Variants in TRANK1 observed in about 807,000 individuals in gnomAD.
The protein encoded by TRANK1 is tetratricopeptide repeat and ankyrin repeat containing 1, also known as TPR and ankyrin repeat-containing protein 1.
Under a neutral mutation model 266.0 loss-of-function variants are expected in TRANK1, and 198 were observed. The ratio of observed to expected loss-of-function variants is 0.74; its 90% CI spans 0.66 to 0.84. TRANK1 has a LOEUF of 0.84. TRANK1 is among the 40% of genes least tolerant of loss of function. The pLI, the probability that TRANK1 is intolerant of heterozygous loss-of-function variation, is 0.00. For missense variants in TRANK1, 3,326 were observed against 3,634.6 expected, an observed-to-expected ratio of 0.92 and a Z score of 2.18; for synonymous variants, 1,396 against 1,384.1, an observed-to-expected ratio of 1.01 and a Z score of -0.19.
In TRANK1 at chr3:36,855,675, T is replaced by C. The variant is rs1189963863; in HGVS notation, c.4047A>G (p.Glu1349=). Residue 1349 remains glutamate, a synonymous_variant, in exon 13 of 24, where the codon GAA becomes GAG. Transcript: ENST00000645898. Reference sequence around the variant, plus strand: ...AAGAACCCTTTAGAAAAGATTTTATTTCTTTCCAAATCAGTGCAGGGTTGT... The same window carrying C: ...AAGAACCCTTTAGAAAAGATTTTATCTCTTTCCAAATCAGTGCAGGGTTGT... ...TAYNPALIWK[E]IKSFLKGSFE... is the part of the protein sequence containing the mutation. The C allele has an allele frequency of 6.2e-7, 1 of 1,613,874 alleles. No individual in the cohort carries two copies. The highest frequency in any genetic ancestry group is 8.5e-7 in the Non-Finnish European group (1 of 1,179,866).
chr3:36,876,180 C>G (rs1321306429), intron 8 of TRANK1, among the ~76,000 whole-genome samples: 1 of 152,256 alleles, frequency 6.6e-6, no homozygotes, highest in Non-Finnish European at 1.5e-5. Context: ...AGCACCTCCT[C>G]TCTCTCAGCC....
rs2078714816 is a variant in TRANK1, at chr3:36,832,766, A to G, written c.6817T>C (p.Phe2273Leu). The stretch of plus-strand genomic sequence containing the variant: ...ACTCTCTGATGGAAATGCTTAGGGA[A>G]AAGGACATCCAGAATGGACTTGCAA... ...GLCKSILDVL[F>L]PKHFHQRVLS... Residue 2273 changes from phenylalanine to leucine, a missense_variant, in exon 22 of 24, where the codon TTC becomes CTC. Phe to Leu is a conservative substitution (Grantham distance 22). Coordinates refer to ENST00000645898, the MANE Select transcript of TRANK1 (RefSeq NM_001329998.2). 1 of 1,613,944 alleles carries G rather than the reference A, an allele frequency of 6.2e-7. No individual in the cohort carries two copies. The highest frequency in any genetic ancestry group is 1.1e-5 in the South Asian group (1 of 91,086).
intron 7 of TRANK1, 121 bp from the exon 8 acceptor site, chr3:36,890,081 G>C: frequency 7.5e-7 from 1 of 1,339,034 alleles, no homozygotes; most frequent in Non-Finnish European, 1.0e-6. Flanking sequence ...AGTCAGTGTG[G>C]ACCACGCTAA....
intron 8 of TRANK1, among the ~76,000 whole-genome samples, chr3:36,883,848 A>G (rs747258547): frequency 6.6e-6 from 1 of 152,194 alleles, no homozygotes; most frequent in Non-Finnish European, 1.5e-5. Context: ...TACAAACACT[A>G]AAAAAATGAG....
rs1390346069 is a variant in TRANK1 at position 36,827,833 on chromosome 3, C to T, written c.*442G>A. ...TACAGCTCTCATAGCACACTTGATGCTGCAGCAGTGTGGCAGGAGATGAGG... is the reference window on the plus strand; with the variant it reads ...TACAGCTCTCATAGCACACTTGATGTTGCAGCAGTGTGGCAGGAGATGAGG... On this transcript the variant is annotated 3_prime_UTR_variant, in exon 24 of 24. Coordinates refer to ENST00000645898, the MANE Select transcript of TRANK1 (RefSeq NM_001329998.2). 1 of 161,832 alleles carries T rather than the reference C, an allele frequency of 6.2e-6. No homozygotes were observed. The allele number at this position is 161,832 out of a possible 1,614,324, so 10.0% of individuals were successfully genotyped here. A position where few individuals can be genotyped will look rare whatever the true frequency, so the allele number is the denominator to read the frequency against.
In TRANK1 at chr3:36,832,067, T is replaced by C; in HGVS notation, c.7516A>G (p.Ile2506Val). 3 of 1,614,018 alleles carry C rather than the reference T, an allele frequency of 1.9e-6. No individual in the cohort carries two copies. Among genetic ancestry groups the C allele is most frequent in the South Asian group, 1.1e-5 (1 of 91,082 alleles). Residue 2506 changes from isoleucine (I) to valine (V), a missense_variant, in exon 22 of 24, where the codon ATC becomes GTC. Ile to Val is a conservative substitution (Grantham distance 29, BLOSUM62 3). Coordinates refer to ENST00000645898, the MANE Select transcript of TRANK1 (RefSeq NM_001329998.2). The part of the protein sequence containing the change: ...KDKELGDVFS[I>V]IQEYKPKDVT... ...TCCTTGGGTTTGTATTCCTGAATGATGGAGAACACATCCCCAAGCTCCTTG... is the reference window on the plus strand; with the variant it reads ...TCCTTGGGTTTGTATTCCTGAATGACGGAGAACACATCCCCAAGCTCCTTG...
chr3:36,870,146 G>A (rs1436986256), intron 9 of TRANK1, among the ~76,000 whole-genome samples: 1 of 152,160 alleles, frequency 6.6e-6, no homozygotes, highest in Admixed American at 6.5e-5. Context: ...GGTGGCTCAC[G>A]CCTATAATCA....
At chr3:36,900,851 C>CAAAAAAAAAAAAAAAAAAACAAAAAAAA (rs2079866262) in intron 3 of TRANK1, among the ~76,000 whole-genome samples, 1 of 63,008 alleles carries the variant, frequency 1.6e-5, no homozygotes, top group Non-Finnish European at 3.3e-5. Flanking sequence ...GACCCTGTCT[C>CAAAAAAAAAAAAAAAAAAACAAAAAAAA]AAAAAAAAAA....
At chr3:36,837,735 A>G (rs769994151) in intron 20 of TRANK1, among the ~76,000 whole-genome samples, 4 of 152,250 alleles carry the variant, frequency 2.6e-5, no homozygotes, top group Non-Finnish European at 5.9e-5. Flanking sequence ...CTGCAGACAA[A>G]TAATAGTTTG....
chr3:36,934,306 T>A (rs1452941222), intron 1 of TRANK1, among the ~76,000 whole-genome samples: 1 of 152,212 alleles, frequency 6.6e-6, no homozygotes, highest in Non-Finnish European at 1.5e-5. Flanking sequence ...ATATAATGCC[T>A]GTGCCCAGAG....
intron 1 of TRANK1, among the ~76,000 whole-genome samples, chr3:36,935,276 G>T (rs988564308): frequency 6.6e-6 from 1 of 152,002 alleles, no homozygotes; most frequent in Admixed American, 6.6e-5. Flanking sequence ...ACCTCTATAA[G>T]GTCCTGTGTG....
At chr3:36,894,179 G>A (rs1437822737) in intron 5 of TRANK1, among the ~76,000 whole-genome samples, 1 of 152,140 alleles carries the variant, frequency 6.6e-6, no homozygotes, top group African/African-American at 2.4e-5. Flanking sequence ...TTGACTGGCT[G>A]GGATAATAAT....
intron 15 of TRANK1, chr3:36,850,523 C>T: frequency 1.0e-6 from 1 of 984,338 alleles, no homozygotes; most frequent in Non-Finnish European, 1.2e-6. Flanking sequence ...AATCTCAGCA[C>T]TTCGGGAGGC....
rs58393381 is a variant in TRANK1 at position 36,865,024 on chromosome 3, G to GTTGTTTT, written c.1079-545_1079-544insAAAACAA. ...TTTTGGGGGTTTTTTTGTTTTTTTG[G>GTTGTTTT]TTTTTTTTTTTTTTTTTTTTTGAGA... On this transcript the variant is annotated intron_variant, in intron 9 of 23. Coordinates refer to ENST00000645898, the MANE Select transcript of TRANK1 (RefSeq NM_001329998.2). Among the ~76,000 whole-genome samples the GTTGTTTT allele has an allele frequency of 2.0e-3, 235 of 119,778 alleles. 6 individuals are homozygous for GTTGTTTT. The highest frequency in any genetic ancestry group is 8.2e-3 in the East Asian group (32 of 3,910). 78.6% of individuals were successfully genotyped at this position (119,778 alleles called of 152,430 possible).
intron 13 of TRANK1, among the ~76,000 whole-genome samples, chr3:36,853,991 C>T (rs577670005): frequency 6.6e-6 from 1 of 152,244 alleles, no homozygotes; most frequent in African/African-American, 2.4e-5. Context: ...CTAAACTGAA[C>T]ATTTCAAATG....
At chr3:36,936,626 C>CA (rs891400342) in intron 1 of TRANK1, among the ~76,000 whole-genome samples, 8 of 150,390 alleles carry the variant, frequency 5.3e-5, no homozygotes, top group South Asian at 2.1e-4. Flanking sequence ...ATTTTAACTC[C>CA]AAAAAAAAAG....
At position 36,833,167 on chromosome 3, in the gene TRANK1, C is replaced by A. The variant is rs1332876168; in HGVS notation, c.6416G>T (p.Arg2139Ile). 6.2e-7 allele frequency: 1 copy of A among 1,613,622 alleles called. No individual in the cohort carries two copies. The highest frequency in any genetic ancestry group is 8.5e-7 in the Non-Finnish European group (1 of 1,179,730). The stretch of plus-strand genomic sequence containing the variant: ...GTTCAAATCCAGGTCAAAAATTATT[C>A]TTAATATGGGCCCAGGGTCATTCTG... ...IAQNDPGPIL[R>I]IIFDLDLNLR... The change falls in exon 22 of 24, where the codon AGA (arginine) becomes ATA (isoleucine). Residue 2139 changes from arginine (R) to isoleucine (I), a missense_variant. Physicochemically the swap from Arg to Ile is moderately conservative, Grantham distance 97. Coordinates refer to ENST00000645898, the MANE Select transcript of TRANK1 (RefSeq NM_001329998.2).
chr3:36,852,651 CA>C (rs1370869137), intron 13 of TRANK1, among the ~76,000 whole-genome samples: 1 of 151,438 alleles, frequency 6.6e-6, no homozygotes, highest in Non-Finnish European at 1.5e-5. Context: ...GTAATATAAA[CA>C]ATGAGACCTC....
rs934144240 is a variant in TRANK1 at position 36,878,752 on chromosome 3, C to T, written c.908-4456G>A. ...ATATAATAAACCTGCAAAAGTACCC[C>T]CCCCGAACCTAAAATGAAAGTTCAA... On this transcript the variant is annotated intron_variant, in intron 8 of 23. Transcript: ENST00000645898. Among the ~76,000 whole-genome samples the T allele has an allele frequency of 5.3e-5, 8 of 150,390 alleles. No individual in the cohort carries two copies. In the East Asian group the frequency reaches 1.2e-3, roughly 22 times the overall value.
Sources: allele counts gnomAD v4.1 joint callset (sites outside exome capture counted in the v4.1 genomes callset), GRCh38; gene constraint gnomAD v4.1.1; transcripts MANE v1.5; gene names NCBI Gene and HGNC (gene_info 2026-07-23, HGNC 2026-07-21).